Variants in TRPC7 observed in about 807,000 individuals in gnomAD.
The protein encoded by TRPC7 is transient receptor potential cation channel subfamily C member 7, also known as short transient receptor potential channel 7.
TRPC7 carries 42 observed loss-of-function variants against 90.1 expected under a neutral mutation model. The ratio of observed to expected loss-of-function variants is 0.47; its 90% CI spans 0.36 to 0.60. The LOEUF is 0.60. Ranked by LOEUF, TRPC7 falls within the 20% of genes least tolerant of loss-of-function variation. The pLI is 0.00. For synonymous variants in TRPC7, 451 were observed against 436.3 expected (o/e 1.03, Z -0.42); for missense variants, 955 against 1,112.3 (o/e 0.86, Z 2.01).
At chr5:136,305,642 G>A (rs953460706) in intron 3 of TRPC7, among the ~76,000 whole-genome samples, 33 of 151,972 alleles carry the variant, frequency 2.2e-4, no homozygotes, top group African/African-American at 3.1e-4. Context: ...AGAAGGCCAC[G>A]GCAGTCATTT....
At chr5:136,287,715 A>AAAAAAAAAAAAAAC (rs1757774137) in intron 3 of TRPC7, among the ~76,000 whole-genome samples, 1 of 109,382 alleles carries the variant, frequency 9.1e-6, no homozygotes. Context: ...AAAAAAAAAA[A>AAAAAAAAAAAAAAC]AAAAAAAAAA....
Position 136,213,036 on chromosome 5 carries a change from G to A in TRPC7, c.*399C>T, listed in dbSNP as rs979150158. On this transcript the variant is annotated 3_prime_UTR_variant, in exon 12 of 12. Coordinates refer to ENST00000513104, the MANE Select transcript of TRPC7 (RefSeq NM_020389.3). ...GCAGGGAGGGAGTGAGAAGGAGTTTGTGGGTTGAGGTGTTTGTCTTCCCAG... is the reference window on the plus strand; with the variant it reads ...GCAGGGAGGGAGTGAGAAGGAGTTTATGGGTTGAGGTGTTTGTCTTCCCAG... Among the ~76,000 whole-genome samples, 1 of 152,192 alleles carries A rather than the reference G, an allele frequency of 6.6e-6. No homozygotes were observed. Among genetic ancestry groups the A allele is most frequent in the African/African-American group, 2.4e-5 (1 of 41,450 alleles).
At chr5:136,304,900 C>G (rs980660549) in intron 3 of TRPC7, among the ~76,000 whole-genome samples, 4 of 152,234 alleles carry the variant, frequency 2.6e-5, no homozygotes, top group African/African-American at 4.8e-5. Flanking sequence ...TACCCTGTAG[C>G]CTTTCTGTCC....
At chr5:136,298,913 G>A (rs762915111) in intron 3 of TRPC7, among the ~76,000 whole-genome samples, 20 of 152,248 alleles carry the variant, frequency 1.3e-4, no homozygotes, top group South Asian at 1.0e-3. Flanking sequence ...ATGATTATTA[G>A]ACTATGAGCT....
Position 136,226,031 on chromosome 5 carries a change from T to A in TRPC7, c.2262+3A>T. 1 of 1,583,810 alleles carries A rather than the reference T, an allele frequency of 6.3e-7. No individual in the cohort carries two copies. The highest frequency in any genetic ancestry group is 1.2e-5 in the South Asian group (1 of 86,688). On this transcript the variant is annotated splice_donor_region_variant and intron_variant, in intron 9 of 11. Coordinates refer to ENST00000513104, the MANE Select transcript of TRPC7 (RefSeq NM_020389.3). ...CCAGCCTCATAAACCACATGCTACC[T>A]ACCTTGAATTTGGAATTCAGCATGC...
intron 2 of TRPC7, among the ~76,000 whole-genome samples, chr5:136,322,571 C>T (rs1157836216): frequency 6.6e-6 from 1 of 152,084 alleles, no homozygotes; most frequent in Middle Eastern, 3.2e-3. Context: ...TTGGGTCTCA[C>T]TATATTGCCA....
intron 2 of TRPC7, among the ~76,000 whole-genome samples, chr5:136,351,060 C>A (rs1289514312): frequency 1.3e-5 from 2 of 152,172 alleles, no homozygotes; most frequent in African/African-American, 2.4e-5. Flanking sequence ...ATTTATAATA[C>A]CCAATACAAT....
intron 4 of TRPC7, among the ~76,000 whole-genome samples, chr5:136,268,399 T>G (rs1362728851): frequency 1.3e-5 from 2 of 152,142 alleles, no homozygotes; most frequent in Non-Finnish European, 2.9e-5. Context: ...TCAAGAATGT[T>G]AGAAAAAGCT....
intron 9 of TRPC7, 32 bp from the exon 10 acceptor site, chr5:136,225,386 C>A: frequency 6.3e-7 from 1 of 1,596,396 alleles, no homozygotes; most frequent in Non-Finnish European, 8.6e-7. Flanking sequence ...ACACACATCA[C>A]ACAGAAAAAC....
chr5:136,356,453 T>C (rs1427477981), intron 2 of TRPC7, among the ~76,000 whole-genome samples, 155 bp downstream of exon 2: 5 of 152,216 alleles, frequency 3.3e-5, no homozygotes, highest in African/African-American at 1.2e-4. Flanking sequence ...CTATCTCTGA[T>C]AAGTGAGATG....
chr5:136,229,138 C>A (rs1331913247), intron 8 of TRPC7, among the ~76,000 whole-genome samples: 2 of 152,236 alleles, frequency 1.3e-5, no homozygotes, highest in Non-Finnish European at 2.9e-5. Context: ...GACTAGTGGA[C>A]AAGAGCTCAT....
chr5:136,291,090 C>G (rs1757930047), intron 3 of TRPC7, among the ~76,000 whole-genome samples: 1 of 152,162 alleles, frequency 6.6e-6, no homozygotes, highest in South Asian at 2.1e-4. Flanking sequence ...GAAGCAAATG[C>G]TGAGAGATTT....
At chr5:136,338,250 A>C (rs1382010991) in intron 2 of TRPC7, among the ~76,000 whole-genome samples, 1 of 152,250 alleles carries the variant, frequency 6.6e-6, no homozygotes, top group South Asian at 2.1e-4. Flanking sequence ...GCATTTGGGC[A>C]GTCGTTTTCT....
At chr5:136,316,002 G>A (rs1759011993) in intron 2 of TRPC7, 1 of 556,038 alleles carries the variant, frequency 1.8e-6, no homozygotes, top group African/African-American at 1.9e-5. Context: ...ATGTGTGAAG[G>A]TGTGGTCCAT....
chr5:136,338,002 T>G (rs1054021401), intron 2 of TRPC7, among the ~76,000 whole-genome samples: 1 of 152,090 alleles, frequency 6.6e-6, no homozygotes, highest in East Asian at 1.9e-4. Context: ...TCCAAACAAC[T>G]GCATTGTGAG....
intron 7 of TRPC7, among the ~76,000 whole-genome samples, chr5:136,235,501 A>T (rs944548453): frequency 1.2e-4 from 18 of 152,186 alleles, no homozygotes; most frequent in African/African-American, 3.6e-4. Context: ...TAAATCAGTT[A>T]TCCCAAGGGC....
rs1258214669 is a variant in TRPC7 at position 136,251,752 on chromosome 5, G to C, written c.1476C>G (p.Ala492=). The C allele has an allele frequency of 1.2e-6, 2 of 1,613,950 alleles. No individual in the cohort carries two copies. The highest frequency in any genetic ancestry group is 2.2e-5 in the South Asian group (2 of 91,072). The change falls in exon 6 of 12, where the codon GCC becomes GCG. Residue 492 remains alanine (A), a synonymous_variant. Transcript: ENST00000513104. Reference sequence around the variant, plus strand: ...GCTGTGCCTCCGTGGCCTTCAGGAAGGCCATGAAGCGTGCTGTGAAGGAGG... The same window carrying C: ...GCTGTGCCTCCGTGGCCTTCAGGAACGCCATGAAGCGTGCTGTGAAGGAGG... The part of the protein sequence containing the change: ...FVASFTARFM[A]FLKATEAQLY...
intron 2 of TRPC7, among the ~76,000 whole-genome samples, chr5:136,343,222 T>C (rs1759898641): frequency 6.6e-6 from 1 of 152,192 alleles, no homozygotes; most frequent in Non-Finnish European, 1.5e-5. Context: ...CAAGACTAAA[T>C]GCATAAACCA....
At position 136,365,303 on chromosome 5, in the gene TRPC7, G is replaced by T; in HGVS notation, c.-49C>A. ...TTCCTCCTCTAGATGACCGGAATCC[G>T]GTGTTGAGTCGCCAGAAGCTGGCTC... On this transcript the variant is annotated 5_prime_UTR_variant, in exon 1 of 12. Coordinates refer to ENST00000513104, the MANE Select transcript of TRPC7 (RefSeq NM_020389.3). 2 of 1,536,384 alleles carry T rather than the reference G, an allele frequency of 1.3e-6. No homozygotes were observed. The highest frequency in any genetic ancestry group is 1.7e-6 in the Non-Finnish European group (2 of 1,146,210).
Sources: gnomAD v4.1 joint callset for allele counts (sites outside exome capture counted in the v4.1 genomes callset) on GRCh38, gnomAD v4.1.1 for gene constraint, MANE v1.5 for transcripts, NCBI Gene and HGNC (gene_info 2026-07-23, HGNC 2026-07-21) for gene names.